SIPA1L2: variants seen among roughly 807,000 people sequenced by gnomAD.
SIPA1L2 encodes the protein signal induced proliferation associated 1 like 2.
SIPA1L2 carries 56 observed loss-of-function variants against 163.9 expected under a neutral mutation model. The ratio of observed to expected loss-of-function variants is 0.34; its 90% confidence interval spans 0.28 to 0.43. The LOEUF (loss-of-function observed/expected upper bound fraction) is 0.43, where lower values mean the gene tolerates loss of function less well. SIPA1L2 is among the 20% of genes least tolerant of loss of function. SIPA1L2 has a pLI of 1.00. For missense variants in SIPA1L2, 1,974 were observed against 2,193.5 expected, an observed-to-expected ratio of 0.90 and a Z score of 2.00; for synonymous variants, 877 against 865.7, an observed-to-expected ratio of 1.01 and a Z score of -0.23.
At chr1:232,416,715 G>T (rs16857041) in intron 18 of SIPA1L2, among the ~76,000 whole-genome samples, 22,437 of 152,150 alleles carry the variant, frequency 0.15, 2,828 homozygotes, top group African/African-American at 0.33. Flanking sequence ...GATGCTATTT[G>T]ATATACAAAG....
rs1302135006 is a variant in SIPA1L2 at position 232,402,397 on chromosome 1, G to A, written c.5017C>T (p.Arg1673Trp). The A allele has an allele frequency of 5.6e-6, 9 of 1,613,038 alleles. No homozygotes were observed. The highest frequency in any genetic ancestry group is 1.7e-5 in the Admixed American group (1 of 59,946). ...LILRQLQTDL[R>W]KEKQDKAVLQ... ...ATGCTCTTCCAATTGATTACCTTCC[G>A]AAGGTCGGTCTGGAGTTGTCGAAGA... Residue 1673 changes from arginine (R) to tryptophan (W), a missense_variant, in exon 22 of 23, where the codon CGG becomes TGG. Coordinates refer to ENST00000674635, the MANE Select transcript of SIPA1L2 (RefSeq NM_020808.5).
At chr1:232,611,001 C>T (rs759819352) in intron 1 of SIPA1L2, among the ~76,000 whole-genome samples, 4 of 152,148 alleles carry the variant, frequency 2.6e-5, no homozygotes, top group African/African-American at 4.8e-5. Context: ...TCCCATAATT[C>T]CCAGGTGTTG....
Position 232,590,255 on chromosome 1 carries a change from G to A in SIPA1L2, c.-318-16033C>T, listed in dbSNP as rs192875491. Among the ~76,000 whole-genome samples the A allele has an allele frequency of 2.4e-3, 358 of 152,260 alleles. 5 individuals carry two copies. The South Asian group carries it at 0.034, about 14-fold the overall frequency. On this transcript the variant is annotated intron_variant, in intron 1 of 22. Transcript: ENST00000674635. ...ACGCAGGCTACACAAAACCCCTCAA[G>A]AGTTTATCTCAAGATGCCCCATAAA...
chr1:232,514,863 CCT>C lies in SIPA1L2; in HGVS notation c.475_476del (p.Arg159GlufsTer3). ...PQRGLHPIRQ[R>X]SNSDVTISDI... ...CACTGATAGTGACATCACTATTGCTCCTCTGTCTTATGGGGTGAAGTCCTCTT... is the reference window on the plus strand; with the variant it reads ...CACTGATAGTGACATCACTATTGCTCCTGTCTTATGGGGTGAAGTCCTCTT... On this transcript the variant is annotated frameshift_variant, in exon 3 of 23. Transcript: ENST00000674635. LOFTEE classifies it high-confidence loss of function. 6.2e-7 allele frequency: 1 copy of C among 1,614,144 alleles called. No individual in the cohort carries two copies. Among genetic ancestry groups the C allele is most frequent in the Non-Finnish European group, 8.5e-7 (1 of 1,180,030 alleles).
intron 4 of SIPA1L2, among the ~76,000 whole-genome samples, chr1:232,491,591 T>C (rs573138022): frequency 7.9e-5 from 12 of 152,270 alleles, no homozygotes; most frequent in South Asian, 2.1e-4. Context: ...GCTGAGAAAA[T>C]TGCCACTAAA....
chr1:232,448,833 C>G (rs1403210075), intron 10 of SIPA1L2, among the ~76,000 whole-genome samples: 3 of 152,158 alleles, frequency 2.0e-5, no homozygotes, highest in Non-Finnish European at 4.4e-5. Flanking sequence ...AGCGCCTGGC[C>G]TAGTCAGGCA....
At chr1:232,430,945 A>G (rs1045888102) in intron 16 of SIPA1L2, among the ~76,000 whole-genome samples, 2 of 152,146 alleles carry the variant, frequency 1.3e-5, no homozygotes, top group African/African-American at 4.8e-5. Context: ...CTCAAGAGAC[A>G]CAAACCCCTT....
intron 10 of SIPA1L2, among the ~76,000 whole-genome samples, chr1:232,456,059 T>TTACCC (rs1443509067): frequency 6.6e-6 from 1 of 151,974 alleles, no homozygotes; most frequent in African/African-American, 2.4e-5. Context: ...GACACGTAAT[T>TTACCC]TACCCACGTA....
intron 5 of SIPA1L2, among the ~76,000 whole-genome samples, chr1:232,484,609 T>C (rs1665553527): frequency 6.6e-6 from 1 of 152,234 alleles, no homozygotes; most frequent in African/African-American, 2.4e-5. Flanking sequence ...CTGCTAAATA[T>C]ACAGTGTACC....
rs543088070 is a variant in SIPA1L2 at position 232,483,706 on chromosome 1, G to A, written c.1981+86C>T. On this transcript the variant is annotated intron_variant, in intron 6 of 22. Transcript: ENST00000674635. ...GCTGCTTCTGGGGCCGGGAACAGGA[G>A]GGCATGTGATCACTTACTTGGATTT... 313 of 1,458,536 alleles carry A rather than the reference G, an allele frequency of 2.1e-4. 3 individuals carry two copies. The African/African-American group carries it at 4.0e-3, about 19-fold the overall frequency. 90.3% of individuals were successfully genotyped at this position (1,458,536 alleles called of 1,614,324 possible). A position where few individuals can be genotyped will look rare whatever the true frequency, so the allele number is the denominator to read the frequency against.
At chr1:232,531,614 A>G (rs1265733235) in intron 2 of SIPA1L2, among the ~76,000 whole-genome samples, 3 of 152,254 alleles carry the variant, frequency 2.0e-5, no homozygotes, top group African/African-American at 7.2e-5. Flanking sequence ...GTATTCTGGC[A>G]GAAGAAGTCA....
rs150850973 is a variant in SIPA1L2 at position 232,524,868 on chromosome 1, G to A, written c.-269-9260C>T. ...ACAAGTAGCCTTATGCATGCTTTCT[G>A]CTTTCTTCCTTGTATTTTTCTAATG... On this transcript the variant is annotated intron_variant, in intron 2 of 22. Transcript: ENST00000674635. Among the ~76,000 whole-genome samples, 968 of 152,186 alleles carry A rather than the reference G, an allele frequency of 6.4e-3. 6 individuals carry two copies. Among genetic ancestry groups the A allele is most frequent in the Middle Eastern group, 0.01 (3 of 294 alleles).
At chr1:232,467,206 A>T (rs562813755) in intron 8 of SIPA1L2, among the ~76,000 whole-genome samples, 1 of 152,272 alleles carries the variant, frequency 6.6e-6, no homozygotes, top group East Asian at 1.9e-4. Context: ...TCCTTCACTG[A>T]TATGAAAGGG....
intron 1 of SIPA1L2, among the ~76,000 whole-genome samples, chr1:232,580,254 G>A (rs1348454116): frequency 1.3e-5 from 2 of 152,154 alleles, no homozygotes; most frequent in African/African-American, 4.8e-5. Context: ...GCATGCTGAT[G>A]CATTATAATT....
At chr1:232,547,009 A>G (rs1658069137) in intron 2 of SIPA1L2, among the ~76,000 whole-genome samples, 1 of 152,348 alleles carries the variant, frequency 6.6e-6, no homozygotes, top group Middle Eastern at 3.4e-3. Flanking sequence ...AATGTAAATT[A>G]GTACCTGCCT....
intron 2 of SIPA1L2, among the ~76,000 whole-genome samples, chr1:232,553,164 G>A (rs1305593918): frequency 6.6e-6 from 1 of 152,208 alleles, no homozygotes; most frequent in Non-Finnish European, 1.5e-5. Flanking sequence ...ATGAGGAGCT[G>A]GAGAGGAGGT....
Position 232,621,562 on chromosome 1 carries a change from G to GA in SIPA1L2, c.-319+8306dup, listed in dbSNP as rs1395360967. Among the ~76,000 whole-genome samples, 22 of 152,054 alleles carry GA rather than the reference G, an allele frequency of 1.4e-4. No individual in the cohort carries two copies. In the East Asian group the frequency reaches 1.9e-3, roughly 13 times the overall value. ...CCTTAGTTTTTGTATCTGTAAAAGG[G>GA]AAAAAAATCCCACCAGCCTTATAAG... On this transcript the variant is annotated intron_variant, in intron 1 of 22. Coordinates refer to ENST00000674635, the MANE Select transcript of SIPA1L2 (RefSeq NM_020808.5).
chr1:232,487,664 G>C (rs1259726345), intron 5 of SIPA1L2, among the ~76,000 whole-genome samples: 21 of 152,094 alleles, frequency 1.4e-4, no homozygotes. Context: ...CTGCAGACGT[G>C]AAATTATGTA....
Position 232,460,899 on chromosome 1 carries a change from C to T in SIPA1L2, c.3083G>A (p.Gly1028Asp). The stretch of plus-strand genomic sequence containing the variant: ...TCCCACGCCTTACCTTCGGGGCGAG[C>T]CGTCATCATGGGGCTGGATGATGAC... The part of the protein sequence containing the change: ...KVVIIQPHDD[G>D]SPRRGCSELC... Residue 1028 changes from glycine to aspartate, a missense_variant, in exon 10 of 23, where the codon GGC becomes GAC. By Grantham distance (94) the Gly-to-Asp change is moderately conservative (BLOSUM62 -1). Transcript: ENST00000674635. 1 of 1,613,064 alleles carries T rather than the reference C, an allele frequency of 6.2e-7. No individual in the cohort carries two copies. Among genetic ancestry groups the T allele is most frequent in the Non-Finnish European group, 8.5e-7 (1 of 1,179,112 alleles).
Sources: gnomAD v4.1 joint callset for allele counts (sites outside exome capture counted in the v4.1 genomes callset) on GRCh38, gnomAD v4.1.1 for gene constraint, MANE v1.5 for transcripts, NCBI Gene and HGNC (gene_info 2026-07-23, HGNC 2026-07-21) for gene names.